Variants in RALGPS2 observed in about 807,000 individuals in gnomAD.
The protein encoded by RALGPS2 is ras-specific guanine nucleotide-releasing factor RalGPS2.
A neutral mutation model predicts 86.8 loss-of-function variants in RALGPS2; 43 were observed. The observed-to-expected ratio is 0.50, with a 90% CI of 0.39 to 0.64. The LOEUF (loss-of-function observed/expected upper bound fraction) is 0.64. RALGPS2 is among the 30% of genes least tolerant of loss of function. The pLI is 0.00. For synonymous variants in RALGPS2, 243 were observed against 231.3 expected (o/e 1.05, Z -0.46); for missense variants, 536 against 694.6 (o/e 0.77, Z 2.57).
chr1:178,821,971 C>T (rs545059097), intron 7 of RALGPS2, among the ~76,000 whole-genome samples: 13 of 152,010 alleles, frequency 8.6e-5, no homozygotes, highest in African/African-American at 2.7e-4. Flanking sequence ...TCTTTGACAA[C>T]GTAATGTTTA....
intron 1 of RALGPS2, among the ~76,000 whole-genome samples, chr1:178,737,082 T>C (rs1650752591): frequency 6.6e-6 from 1 of 152,218 alleles, no homozygotes; most frequent in Non-Finnish European, 1.5e-5. Context: ...ACTTACTGTA[T>C]TTCATTGAAT....
chr1:178,820,441 A>G (rs1276946876), intron 6 of RALGPS2, among the ~76,000 whole-genome samples: 4 of 152,178 alleles, frequency 2.6e-5, no homozygotes, highest in South Asian at 2.1e-4. Context: ...TTCAGCTTCC[A>G]GACACCTTCA....
At chr1:178,803,660 A>T (rs897306694) in intron 4 of RALGPS2, among the ~76,000 whole-genome samples, 4 of 151,900 alleles carry the variant, frequency 2.6e-5, no homozygotes, top group East Asian at 1.9e-4. Context: ...ATATCCAGAA[A>T]TTTTTATTTT....
chr1:178,775,591 C>G (rs1168403540), intron 1 of RALGPS2, among the ~76,000 whole-genome samples: 3 of 152,082 alleles, frequency 2.0e-5, no homozygotes, highest in Non-Finnish European at 4.4e-5. Flanking sequence ...ATTAGAACTT[C>G]AAGTAAGTAC....
At chr1:178,883,845 C>T (rs1659362812) in intron 11 of RALGPS2, among the ~76,000 whole-genome samples, 1 of 151,964 alleles carries the variant, frequency 6.6e-6, no homozygotes, top group African/African-American at 2.4e-5. Context: ...AAAAATTAGC[C>T]GGGTGTGGTG....
At position 178,890,009 on chromosome 1, in the gene RALGPS2, T is replaced by G. The variant is rs180738614; in HGVS notation, c.1247+313T>G. Among the ~76,000 whole-genome samples, 498 of 152,086 alleles carry G rather than the reference T, an allele frequency of 3.3e-3. 5 individuals carry two copies. Among genetic ancestry groups the G allele is most frequent in the African/African-American group, 0.011 (446 of 41,558 alleles). ...TTACATATTCAAAAAATTATTTCCT[T>G]AAGTTCTGGTTCATTTAAGTAATTT... On this transcript the variant is annotated intron_variant, in intron 14 of 19. Transcript: ENST00000367635.
intron 8 of RALGPS2, among the ~76,000 whole-genome samples, chr1:178,855,875 T>C (rs1657499419): frequency 6.6e-6 from 1 of 150,966 alleles, no homozygotes; most frequent in Admixed American, 6.6e-5. Context: ...TATCTGCCTA[T>C]TGAGATGATG....
intron 7 of RALGPS2, among the ~76,000 whole-genome samples, chr1:178,827,426 G>A (rs558739227): frequency 1.2e-4 from 16 of 130,238 alleles, no homozygotes; most frequent in Admixed American, 4.3e-4. Context: ...ACGGAGTCTC[G>A]CTCTGTCGCC....
rs1267018493 is a variant in RALGPS2 at position 178,916,977 on chromosome 1, G to A, written c.*618G>A. 1 of 152,160 alleles carries A rather than the reference G, an allele frequency of 6.6e-6. No homozygotes were observed. The highest frequency in any genetic ancestry group is 2.4e-5 in the African/African-American group (1 of 41,408). The allele number at this position is 152,160 out of a possible 1,614,324, so 9.4% of individuals were successfully genotyped here. A position where few individuals can be genotyped will look rare whatever the true frequency, so the allele number is the denominator to read the frequency against. Reference sequence around the variant, plus strand: ...CTTGGGTTTGTTTGGGATTGGGTGGGGGTGTTTGTTTTGTTTTGGATGAGG... The same window carrying A: ...CTTGGGTTTGTTTGGGATTGGGTGGAGGTGTTTGTTTTGTTTTGGATGAGG... On this transcript the variant is annotated 3_prime_UTR_variant, in exon 20 of 20. Transcript: ENST00000367635.
At chr1:178,731,272 G>T (rs1402336939) in intron 1 of RALGPS2, among the ~76,000 whole-genome samples, 135 of 57,962 alleles carry the variant, frequency 2.3e-3, no homozygotes, top group African/African-American at 7.2e-3. Flanking sequence ...AGTTGTTTTG[G>T]TTTTTTTTTT....
chr1:178,750,155 C>G (rs1651574157), intron 1 of RALGPS2, among the ~76,000 whole-genome samples: 1 of 152,102 alleles, frequency 6.6e-6, no homozygotes, highest in Non-Finnish European at 1.5e-5. Context: ...TAGAATCTAT[C>G]CATTTTTGTT....
intron 2 of RALGPS2, among the ~76,000 whole-genome samples, chr1:178,777,749 A>G (rs901898184): frequency 3.3e-5 from 5 of 152,170 alleles, no homozygotes; most frequent in African/African-American, 1.2e-4. Flanking sequence ...CATATCTACA[A>G]CTATCTGATC....
At chr1:178,905,974 G>A (rs1044269070) in intron 18 of RALGPS2, among the ~76,000 whole-genome samples, 1 of 152,180 alleles carries the variant, frequency 6.6e-6, no homozygotes, top group Admixed American at 6.5e-5. Context: ...TAAAAGCATA[G>A]TCTATCAATG....
intron 8 of RALGPS2, chr1:178,852,893 T>C: frequency 1.9e-6 from 3 of 1,613,826 alleles, no homozygotes; most frequent in Non-Finnish European, 2.5e-6. Context: ...TCTTGATTGC[T>C]AAGCATATAG....
intron 1 of RALGPS2, among the ~76,000 whole-genome samples, chr1:178,740,555 G>A (rs762893401): frequency 1.3e-5 from 2 of 152,198 alleles, no homozygotes; most frequent in Non-Finnish European, 2.9e-5. Flanking sequence ...GTAGATGTAA[G>A]CAGAAGCTAT....
intron 8 of RALGPS2, chr1:178,865,882 ACTAT>A: frequency 1.2e-6 from 1 of 836,038 alleles, no homozygotes; most frequent in Non-Finnish European, 1.8e-6. Flanking sequence ...AATCTTAAAA[ACTAT>A]CTGAGGGAAA....
At chr1:178,897,803 C>T in intron 17 of RALGPS2, 47 bp downstream of exon 17, 7 of 1,528,024 alleles carry the variant, frequency 4.6e-6, no homozygotes, top group Non-Finnish European at 6.3e-6. Flanking sequence ...CCAGACTGTT[C>T]ATGGTTATAA....
chr1:178,827,731 A>G (rs558558287), intron 7 of RALGPS2, among the ~76,000 whole-genome samples: 1 of 152,186 alleles, frequency 6.6e-6, no homozygotes, highest in African/African-American at 2.4e-5. Flanking sequence ...GTGAAGCTAT[A>G]GTAATCAAAA....
intron 1 of RALGPS2, among the ~76,000 whole-genome samples, chr1:178,763,326 G>A (rs1199502729): frequency 1.3e-5 from 2 of 152,076 alleles, no homozygotes; most frequent in Non-Finnish European, 2.9e-5. Context: ...TCACTATTTG[G>A]GCTCTTTTGA....
Sources: gnomAD v4.1 joint callset for allele counts (sites outside exome capture counted in the v4.1 genomes callset) on GRCh38, gnomAD v4.1.1 for gene constraint, MANE v1.5 for transcripts, NCBI Gene and HGNC (gene_info 2026-07-23, HGNC 2026-07-21) for gene names.